BACE1: variants seen among roughly 807,000 people sequenced by gnomAD.
BACE1 encodes the protein beta-secretase 1.
A neutral mutation model predicts 54.0 loss-of-function variants in BACE1; 21 were observed. The ratio of observed to expected loss-of-function variants is 0.39; its 90% CI spans 0.28 to 0.56. The LOEUF (loss-of-function observed/expected upper bound fraction) is 0.56, where lower values mean the gene tolerates loss of function less well. BACE1 is among the 20% of genes least tolerant of loss of function. The pLI is 0.63. For missense variants in BACE1, 511 were observed against 661.2 expected (o/e 0.77, Z 2.49); for synonymous variants, 232 against 260.9 (o/e 0.89, Z 1.07).
rs1591859983 is a variant in BACE1, at chr11:117,296,906, T to C, written c.317A>G (p.His106Arg). ...SSNFAVGAAP[H>R]PFLHRYYQRQ... ...CTGGTAGTAGCGATGCAGGAAGGGGTGGGGGGCAGCACCCACTGCAAAGTT... is the reference window on the plus strand; with the variant it reads ...CTGGTAGTAGCGATGCAGGAAGGGGCGGGGGGCAGCACCCACTGCAAAGTT... The change falls in exon 2 of 9, where the codon CAC becomes CGC. Residue 106 changes from histidine (H) to arginine (R), a missense_variant. His to Arg is a conservative substitution (Grantham distance 29). Transcript: ENST00000313005. 1.2e-6 allele frequency: 2 copies of C among 1,613,024 alleles called. No homozygotes were observed. The highest frequency in any genetic ancestry group is 4.5e-5 in the East Asian group (2 of 44,824).
At position 117,293,370 on chromosome 11, in the gene BACE1, C is replaced by A; in HGVS notation, c.706-182G>T. On this transcript the variant is annotated intron_variant, in intron 4 of 8. Transcript: ENST00000313005. The surrounding 1 kb of genome is among the most constrained non-coding windows in gnomAD (Gnocchi z 4.1). ...TGATTTCTAGTTTCTTAAATGTGTT[C>A]AGGAGAAAAGACTTTCCGGGATTTT... 1 of 542,198 alleles carries A rather than the reference C, an allele frequency of 1.8e-6. No homozygotes were observed. Among genetic ancestry groups the A allele is most frequent in the Non-Finnish European group, 3.0e-6 (1 of 328,444 alleles). The allele number at this position is 542,198 out of a possible 1,614,324, so 33.6% of individuals were successfully genotyped here. A position where few individuals can be genotyped will look rare whatever the true frequency, so the allele number is the denominator to read the frequency against.
intron 1 of BACE1, among the ~76,000 whole-genome samples, chr11:117,305,888 T>C (rs1400799856): frequency 6.6e-6 from 1 of 151,816 alleles, no homozygotes; most frequent in African/African-American, 2.4e-5. Context: ...TACAAAAAAT[T>C]AGCCGGGCGT....
chr11:117,311,319 C>T (rs911559528), intron 1 of BACE1, among the ~76,000 whole-genome samples: 1 of 152,172 alleles, frequency 6.6e-6, no homozygotes, highest in African/African-American at 2.4e-5. Flanking sequence ...GAGAGAGACC[C>T]TGTAATTAAT....
chr11:117,297,232 A>G (rs1484752278), intron 1 of BACE1: 1 of 414,110 alleles, frequency 2.4e-6, no homozygotes, highest in Non-Finnish European at 4.3e-6. Flanking sequence ...AGATTAGTAG[A>G]AGAACTAATA....
rs559158000 is a variant in BACE1, at chr11:117,289,117, A to G, written c.*449T>C. 5.6e-6 allele frequency: 1 copy of G among 179,328 alleles called. No individual in the cohort carries two copies. The highest frequency in any genetic ancestry group is 1.2e-5 in the Non-Finnish European group (1 of 82,798). 11.1% of individuals were successfully genotyped at this position (179,328 alleles called of 1,614,324 possible). The stretch of plus-strand genomic sequence containing the variant: ...AATAGCAAACTGTGCATCCTCTCCT[A>G]CTGACTTTGGCCAGCAGGGAAACAA... On this transcript the variant is annotated 3_prime_UTR_variant, in exon 9 of 9. Coordinates refer to ENST00000313005, the MANE Select transcript of BACE1 (RefSeq NM_012104.6).
In BACE1 at chr11:117,289,344, A is replaced by C; in HGVS notation, c.*222T>G. On this transcript the variant is annotated 3_prime_UTR_variant, in exon 9 of 9. Coordinates refer to ENST00000313005, the MANE Select transcript of BACE1 (RefSeq NM_012104.6). ...TGAGGTGACCAAGAGTATTCCCGCC[A>C]GCAGAGTGCTTCTTTCTTCTCTTTT... is the stretch of plus-strand genomic sequence containing the variant. 1.6e-6 allele frequency: 1 copy of C among 642,958 alleles called. No individual in the cohort carries two copies. The allele number at this position is 642,958 out of a possible 1,614,324, so 39.8% of individuals were successfully genotyped here.
chr11:117,289,153 T>G lies in BACE1; in HGVS notation c.*413A>C, dbSNP rs2034341589. 5.1e-6 allele frequency: 1 copy of G among 195,722 alleles called. No individual in the cohort carries two copies. The highest frequency in any genetic ancestry group is 1.1e-5 in the Non-Finnish European group (1 of 92,732). 12.1% of individuals were successfully genotyped at this position (195,722 alleles called of 1,614,324 possible). On this transcript the variant is annotated 3_prime_UTR_variant, in exon 9 of 9. Transcript: ENST00000313005. The stretch of plus-strand genomic sequence containing the variant: ...CCAGCAGGGAAACAAGCTTGGTCTC[T>G]TCTCTGCCAGGGTACCACAGGGACA...
At chr11:117,290,684 A>G in intron 7 of BACE1, 25 bp from the exon 8 acceptor site, 1 of 1,611,662 alleles carries the variant, frequency 6.2e-7, no homozygotes, top group Non-Finnish European at 8.5e-7. Flanking sequence ...TCACAGGGTG[A>G]GTGTCTTCCT....
Position 117,286,773 on chromosome 11 carries a change from G to C in BACE1, c.*2793C>G, listed in dbSNP as rs1314095525. 6.6e-6 allele frequency: 1 copy of C among 152,648 alleles called. No individual in the cohort carries two copies. The highest frequency in any genetic ancestry group is 1.5e-5 in the Non-Finnish European group (1 of 68,056). The allele number at this position is 152,648 out of a possible 1,614,324, so 9.5% of individuals were successfully genotyped here. On this transcript the variant is annotated 3_prime_UTR_variant, in exon 9 of 9. Coordinates refer to ENST00000313005, the MANE Select transcript of BACE1 (RefSeq NM_012104.6). ...CCTGGGACCTCCTTGGCATCTTGTA[G>C]GGTGATTGGAGTGGCCTGAGTACTC...
In BACE1 at chr11:117,315,759, C is replaced by T. The variant is rs1258021204; in HGVS notation, c.37G>A (p.Gly13Ser). 8.2e-6 allele frequency: 12 copies of T among 1,462,372 alleles called. No homozygotes were observed. The highest frequency in any genetic ancestry group is 9.9e-6 in the Non-Finnish European group (11 of 1,112,656). The allele number at this position is 1,462,372 out of a possible 1,614,324, so 90.6% of individuals were successfully genotyped here. Residue 13 changes from glycine to serine, a missense_variant, in exon 1 of 9, where the codon GGC becomes AGC. Physicochemically the swap from Gly to Ser is moderately conservative, Grantham distance 56 (BLOSUM62 0). Transcript: ENST00000313005. The surrounding 1 kb of genome is among the most constrained non-coding windows in gnomAD (Gnocchi z 5.5). The stretch of plus-strand genomic sequence containing the variant: ...CCGTGGGCAGGCAGCACTCCCGCGC[C>T]CATCCACAGCAGGAGCCAGGGCAGG... The part of the protein sequence containing the change: ...QALPWLLLWM[G>S]AGVLPAHGTQ...
In BACE1 at chr11:117,314,384, T is replaced by G. The variant is rs113694219; in HGVS notation, c.261+1151A>C. On this transcript the variant is annotated intron_variant, in intron 1 of 8. Transcript: ENST00000313005. ...GCACGCACCTAGGAAGGCTGGCTTC[T>G]GTAAAGTAATTGGGAGGTGGGGGTT... is the stretch of plus-strand genomic sequence containing the variant. Among the ~76,000 whole-genome samples the G allele has an allele frequency of 9.5e-3, 1,440 of 152,242 alleles. 23 individuals carry two copies. The highest frequency in any genetic ancestry group is 0.033 in the African/African-American group (1,380 of 41,534).
At chr11:117,290,007 CCCTT>C (rs1161431936) in intron 8 of BACE1, among the ~76,000 whole-genome samples, 200 bp from the exon 9 acceptor site, 4 of 152,178 alleles carry the variant, frequency 2.6e-5, no homozygotes, top group Non-Finnish European at 5.9e-5. Flanking sequence ...GGAGCAGCAG[CCCTT>C]CCTTGTATAC....
chr11:117,312,295 G>T (rs571144761), intron 1 of BACE1, among the ~76,000 whole-genome samples: 1 of 152,308 alleles, frequency 6.6e-6, no homozygotes, highest in East Asian at 1.9e-4. Context: ...TTACAGTACA[G>T]TGGGATAGTA....
chr11:117,298,430 A>G (rs544249993), intron 1 of BACE1, among the ~76,000 whole-genome samples: 2 of 152,086 alleles, frequency 1.3e-5, no homozygotes, highest in South Asian at 4.2e-4. Flanking sequence ...CCGTCACATC[A>G]CCCCTGCTCA....
rs768909497 is a variant in BACE1 at position 117,295,358 on chromosome 11, A to G, written c.351-11T>C. On this transcript the variant is annotated splice_polypyrimidine_tract_variant and intron_variant, in intron 2 of 8. Coordinates refer to ENST00000313005, the MANE Select transcript of BACE1 (RefSeq NM_012104.6). ...CGGTATGTGCTGGACCTGTGGAAAGAAGGCAGAGATCTGTGGATGCATAAC... is the reference window on the plus strand; with the variant it reads ...CGGTATGTGCTGGACCTGTGGAAAGGAGGCAGAGATCTGTGGATGCATAAC... 3 of 1,609,928 alleles carry G rather than the reference A, an allele frequency of 1.9e-6. No homozygotes were observed. Among genetic ancestry groups the G allele is most frequent in the Non-Finnish European group, 2.5e-6 (3 of 1,176,674 alleles).
chr11:117,314,185 C>T (rs577739347), intron 1 of BACE1, among the ~76,000 whole-genome samples: 103 of 152,346 alleles, frequency 6.8e-4, no homozygotes, highest in Middle Eastern at 3.4e-3. Flanking sequence ...ATACCTGCTG[C>T]TCCCTGACGA....
chr11:117,295,438 A>T, intron 2 of BACE1, 91 bp from the exon 3 acceptor site: 14 of 1,528,836 alleles, frequency 9.2e-6, no homozygotes, highest in Non-Finnish European at 1.2e-5. Context: ...ACCTTATCTC[A>T]TCTCAGGGGA....
At chr11:117,304,177 T>C (rs564150200) in intron 1 of BACE1, among the ~76,000 whole-genome samples, 1 of 152,354 alleles carries the variant, frequency 6.6e-6, no homozygotes, top group Admixed American at 6.5e-5. Flanking sequence ...TGATAAGCAC[T>C]TGTGCATTGG....
intron 1 of BACE1, among the ~76,000 whole-genome samples, chr11:117,299,925 G>T (rs1051786570): frequency 4.6e-5 from 7 of 152,132 alleles, no homozygotes; most frequent in African/African-American, 1.7e-4. Flanking sequence ...AGTCTCTGTG[G>T]CCTGTGCAAG....
Sources: allele counts gnomAD v4.1 joint callset (sites outside exome capture counted in the v4.1 genomes callset), GRCh38; gene constraint gnomAD v4.1.1; non-coding constraint Gnocchi (gnomAD v3.1); transcripts MANE v1.5; gene names NCBI Gene and HGNC (gene_info 2026-07-23, HGNC 2026-07-21).